Variants in ARHGEF38 observed in about 807,000 individuals in gnomAD.
ARHGEF38 encodes the protein Rho guanine nucleotide exchange factor 38, also known as Rho guanine nucleotide exchange factor (GEF) 38.
In ARHGEF38, 79 loss-of-function variants were observed where a neutral mutation model predicts 79.9. The observed-to-expected ratio is 0.99, with a 90% CI of 0.82 to 1.19. The LOEUF is 1.19. Ranked by LOEUF, ARHGEF38 falls within the 50% of genes most tolerant of loss-of-function variation. The probability of loss-of-function intolerance (pLI) is 0.00; values close to 1 mark genes in which losing one functional copy is unlikely to be tolerated. For missense variants in ARHGEF38, 962 were observed against 907.2 expected, an observed-to-expected ratio of 1.06 and a Z score of -0.78; for synonymous variants, 366 against 328.3, an observed-to-expected ratio of 1.11 and a Z score of -1.24.
At chr4:105,592,925 G>C (rs928715300) in intron 2 of ARHGEF38, among the ~76,000 whole-genome samples, 3 of 152,064 alleles carry the variant, frequency 2.0e-5, no homozygotes, top group Non-Finnish European at 2.9e-5. Context: ...CTAGTGCAGT[G>C]GATTCTATCC....
chr4:105,612,427 T>C (rs1728331924), intron 2 of ARHGEF38, among the ~76,000 whole-genome samples: 1 of 152,124 alleles, frequency 6.6e-6, no homozygotes, highest in African/African-American at 2.4e-5. Flanking sequence ...CATGAATTGA[T>C]TATTGATGAA....
At chr4:105,611,716 T>C (rs1728302548) in intron 2 of ARHGEF38, among the ~76,000 whole-genome samples, 7 of 152,070 alleles carry the variant, frequency 4.6e-5, no homozygotes, top group Admixed American at 4.6e-4. Context: ...TTAAAGTGAA[T>C]GATCAGTTAA....
intron 10 of ARHGEF38, among the ~76,000 whole-genome samples, 161 bp downstream of exon 10, chr4:105,659,526 C>G (rs940888424): frequency 2.0e-5 from 3 of 152,134 alleles, no homozygotes; most frequent in African/African-American, 7.2e-5. Context: ...TGTTCCTTAT[C>G]TGTCTTATCC....
chr4:105,680,999 G>A (rs1384646985), downstream of ARHGEF38: 2 of 152,036 alleles, frequency 1.3e-5, no homozygotes, highest in African/African-American at 4.8e-5. Context: ...AGTCCAAACT[G>A]GTTTTGAACT....
intron 1 of ARHGEF38, among the ~76,000 whole-genome samples, chr4:105,566,261 G>A (rs775610015): frequency 8.6e-5 from 13 of 151,946 alleles, no homozygotes; most frequent in Non-Finnish European, 1.8e-4. Context: ...TATTTCTTTT[G>A]CTCATGACAC....
chr4:105,651,988 T>C (rs1028402248), intron 7 of ARHGEF38, among the ~76,000 whole-genome samples: 1 of 152,224 alleles, frequency 6.6e-6, no homozygotes, highest in Non-Finnish European at 1.5e-5. Context: ...AGAAATGTTA[T>C]AAGGCCAAGA....
intron 4 of ARHGEF38, among the ~76,000 whole-genome samples, chr4:105,633,272 T>C (rs17036025): frequency 0.019 from 2,838 of 152,198 alleles, 58 homozygotes; most frequent in African/African-American, 0.047. Context: ...TCCATGAAAA[T>C]AAAGTTAATG....
At chr4:105,603,840 C>G (rs549611330) in intron 2 of ARHGEF38, among the ~76,000 whole-genome samples, 1 of 152,286 alleles carries the variant, frequency 6.6e-6, no homozygotes, top group Non-Finnish European at 1.5e-5. Context: ...ATGAGCTCAA[C>G]AGAGGTGACT....
In ARHGEF38 at chr4:105,630,994, A is replaced by G. The variant is rs1729162717; in HGVS notation, c.605A>G (p.Glu202Gly). ...DEAHSILESY[E>G]KEEELKEHLS... ...GCACATAGTATACTGGAGTCCTATG[A>G]AAAGGAAGAAGAGCTGAAGGAACAT... is the stretch of plus-strand genomic sequence containing the variant. Residue 202 changes from glutamate to glycine, a missense_variant, in exon 4 of 14, where the codon GAA (glutamate) becomes GGA (glycine). By Grantham distance (98) the Glu-to-Gly change is moderately conservative. Transcript: ENST00000420470. 6.2e-7 allele frequency: 1 copy of G among 1,613,882 alleles called. No homozygotes were observed. The highest frequency in any genetic ancestry group is 8.5e-7 in the Non-Finnish European group (1 of 1,179,870).
intron 3 of ARHGEF38, among the ~76,000 whole-genome samples, chr4:105,622,610 C>T (rs549913691): frequency 3.3e-5 from 5 of 152,134 alleles, no homozygotes; most frequent in African/African-American, 2.4e-5. Context: ...ATTTTTCTCA[C>T]GTCACAAGAA....
chr4:105,667,743 T>A (rs766990181), intron 13 of ARHGEF38, 40 bp downstream of exon 13: 89 of 1,532,920 alleles, frequency 5.8e-5, no homozygotes, highest in Non-Finnish European at 6.8e-5. Context: ...GTTCAAATCA[T>A]GAAAGAGTAT....
Position 105,667,266 on chromosome 4 carries a change from G to A in ARHGEF38, c.1827G>A (p.Val609=). 1 of 1,536,168 alleles carries A rather than the reference G, an allele frequency of 6.5e-7. No individual in the cohort carries two copies. The highest frequency in any genetic ancestry group is 1.2e-5 in the South Asian group (1 of 84,056). ...TCAATCTTCTGGAAGGAGACTTGGT[G>A]GCTGTGATAGAACAGAAAGATCCAC... ...YDINLLEGDL[V]AVIEQKDPLG... is the part of the protein sequence containing the mutation. The change falls in exon 12 of 14, where the codon GTG becomes GTA. Residue 609 remains valine (V), a synonymous_variant. Transcript: ENST00000420470.
rs199695459 is a variant in ARHGEF38, at chr4:105,660,509, G to A, written c.1545+1144G>A. On this transcript the variant is annotated intron_variant, in intron 10 of 13. Coordinates refer to ENST00000420470, the MANE Select transcript of ARHGEF38 (RefSeq NM_001242729.2). ...GGTTGGAGTGCAAAGGCCCAATCTC[G>A]GCTCACTGCAACCTCCACCTTCCGG... Among the ~76,000 whole-genome samples, 22 of 150,854 alleles carry A rather than the reference G, an allele frequency of 1.5e-4. No homozygotes were observed. In the East Asian group the frequency reaches 3.7e-3, roughly 25 times the overall value.
chr4:105,561,513 TA>T lies in ARHGEF38; in HGVS notation c.196+8553del, dbSNP rs1357763685. ...TAGAATAGAATAGAATAGAATAGAATAGAATAGAATAGAATAGAATAGAATA... is the reference window on the plus strand; with the variant it reads ...TAGAATAGAATAGAATAGAATAGAATGAATAGAATAGAATAGAATAGAATA... On this transcript the variant is annotated intron_variant, in intron 1 of 13. Coordinates refer to ENST00000420470, the MANE Select transcript of ARHGEF38 (RefSeq NM_001242729.2). The T allele has an allele frequency of 1.2e-3, 172 of 147,610 alleles. 10 individuals carry two copies. The highest frequency in any genetic ancestry group is 1.6e-3 in the Non-Finnish European group (104 of 66,680). 9.1% of individuals were successfully genotyped at this position (147,610 alleles called of 1,614,324 possible).
At chr4:105,648,796 G>GC in intron 7 of ARHGEF38, 114 bp downstream of exon 7, 1 of 1,050,600 alleles carries the variant, frequency 9.5e-7, no homozygotes, top group Non-Finnish European at 1.3e-6. Context: ...CAAGGTAATT[G>GC]CCCTATGCTG....
chr4:105,638,589 A>G (rs779159150), intron 5 of ARHGEF38, among the ~76,000 whole-genome samples: 4 of 152,196 alleles, frequency 2.6e-5, no homozygotes, highest in Non-Finnish European at 5.9e-5. Flanking sequence ...AAATGAGGAC[A>G]GTAAAGACAA....
At chr4:105,634,896 G>A (rs992281019) in intron 4 of ARHGEF38, among the ~76,000 whole-genome samples, 4 of 152,122 alleles carry the variant, frequency 2.6e-5, no homozygotes, top group African/African-American at 9.7e-5. Flanking sequence ...TCCATTCAGG[G>A]AGGAAGCTAA....
At chr4:105,622,068 G>A (rs1006573587) in intron 3 of ARHGEF38, among the ~76,000 whole-genome samples, 1 of 152,118 alleles carries the variant, frequency 6.6e-6, no homozygotes, top group Admixed American at 6.6e-5. Context: ...TCTCCTGAGC[G>A]GGGTGAATAT....
chr4:105,593,967 T>C (rs868348926), intron 2 of ARHGEF38, among the ~76,000 whole-genome samples: 7 of 152,304 alleles, frequency 4.6e-5, no homozygotes, highest in Middle Eastern at 6.8e-3. Context: ...TCTAGGTTGT[T>C]TTATTTGAAT....
Sources: gnomAD v4.1 joint callset for allele counts (sites outside exome capture counted in the v4.1 genomes callset) on GRCh38, gnomAD v4.1.1 for gene constraint, MANE v1.5 for transcripts, NCBI Gene and HGNC (gene_info 2026-07-23, HGNC 2026-07-21) for gene names.